Variants in SLF2 observed in about 807,000 individuals in gnomAD.
The protein encoded by SLF2 is SMC5/6 complex localization factor 2.
A neutral mutation model predicts 124.3 loss-of-function variants in SLF2; 68 were observed. The ratio of observed to expected loss-of-function variants is 0.55; its 90% CI spans 0.45 to 0.67. The LOEUF (loss-of-function observed/expected upper bound fraction) is 0.67. Ranked by LOEUF, SLF2 falls within the 30% of genes least tolerant of loss-of-function variation. The pLI, the probability that SLF2 is intolerant of heterozygous loss-of-function variation, is 0.00. For synonymous variants in SLF2, 480 were observed against 478.8 expected, an observed-to-expected ratio of 1.00 and a Z score of -0.03; for missense variants, 1,246 against 1,373.7, an observed-to-expected ratio of 0.91 and a Z score of 1.47.
rs766757379 is a variant in SLF2, at chr10:100,929,927, A to G, written c.2263A>G (p.Asn755Asp). 1 of 1,602,832 alleles carries G rather than the reference A, an allele frequency of 6.2e-7. No individual in the cohort carries two copies. The highest frequency in any genetic ancestry group is 1.7e-5 in the Admixed American group (1 of 57,462). ...FNFLNSGKIF[N>D]QYTLDLRDSG... ...TTTCCTCAATTCTGGAAAAATTTTCAATCAGTATACCTTGGATTTAAGAGA... is the reference window on the plus strand; with the variant it reads ...TTTCCTCAATTCTGGAAAAATTTTCGATCAGTATACCTTGGATTTAAGAGA... Residue 755 changes from asparagine to aspartate, a missense_variant, in exon 8 of 20, where the codon AAT (asparagine) becomes GAT (aspartate). Asn to Asp is a conservative substitution (Grantham distance 23). Transcript: ENST00000238961.
rs1266251562 is a variant in SLF2, at chr10:100,963,335, T to C, written c.*1423T>C. On this transcript the variant is annotated 3_prime_UTR_variant, in exon 20 of 20. Coordinates refer to ENST00000238961, the MANE Select transcript of SLF2 (RefSeq NM_018121.4). Reference sequence around the variant, plus strand: ...CTTTTGAGCTCATGTCAATCAAGCATTGGCAGTCAGAGATTTTATAGGGAA... The same window carrying C: ...CTTTTGAGCTCATGTCAATCAAGCACTGGCAGTCAGAGATTTTATAGGGAA... 6.6e-6 allele frequency: 1 copy of C among 152,632 alleles called. No individual in the cohort carries two copies. The highest frequency in any genetic ancestry group is 1.5e-5 in the Non-Finnish European group (1 of 68,044). The allele number at this position is 152,632 out of a possible 1,614,324, so 9.5% of individuals were successfully genotyped here.
chr10:100,919,616 A>G (rs1478376132), intron 4 of SLF2, among the ~76,000 whole-genome samples: 1 of 152,264 alleles, frequency 6.6e-6, no homozygotes, highest in African/African-American at 2.4e-5. Context: ...AGTTTGCAAC[A>G]AGAAATGAAA....
intron 17 of SLF2, among the ~76,000 whole-genome samples, chr10:100,951,157 C>T (rs908735219): frequency 2.0e-5 from 3 of 152,126 alleles, no homozygotes; most frequent in Admixed American, 2.0e-4. Context: ...GCAGGAGAAT[C>T]GCTTGAACCC....
chr10:100,932,716 T>C (rs200657112), intron 9 of SLF2, among the ~76,000 whole-genome samples: 439 of 37,170 alleles, frequency 0.012, 3 homozygotes, highest in African/African-American at 0.037. Context: ...TGTGTGTGTG[T>C]GTGTGCGCGC....
intron 3 of SLF2, among the ~76,000 whole-genome samples, chr10:100,917,862 T>A (rs1217245356): frequency 6.6e-6 from 1 of 152,160 alleles, no homozygotes; most frequent in African/African-American, 2.4e-5. Flanking sequence ...GAAGGATTGC[T>A]TGAGCTCAGG....
intron 17 of SLF2, among the ~76,000 whole-genome samples, chr10:100,953,853 T>C (rs1303457601): frequency 6.6e-6 from 1 of 151,990 alleles, no homozygotes; most frequent in Non-Finnish European, 1.5e-5. Flanking sequence ...GGTTTCATCA[T>C]GTTGGCCAGG....
chr10:100,919,001 C>CT (rs528512219), intron 4 of SLF2, among the ~76,000 whole-genome samples: 5,439 of 105,232 alleles, frequency 0.052, 1,066 homozygotes, highest in African/African-American at 0.06. Flanking sequence ...GAAACATAAT[C>CT]TTTTTTTTTT....
chr10:100,946,819 G>A (rs1367080705), intron 13 of SLF2, among the ~76,000 whole-genome samples: 3 of 152,198 alleles, frequency 2.0e-5, no homozygotes, highest in Admixed American at 2.0e-4. Flanking sequence ...GTGAAATTCT[G>A]CTAAATGTAT....
chr10:100,943,316 A>G (rs779153517), intron 11 of SLF2, among the ~76,000 whole-genome samples: 6 of 152,236 alleles, frequency 3.9e-5, no homozygotes, highest in Non-Finnish European at 7.3e-5. Context: ...GTTTGTTTAT[A>G]CATAAAATGC....
intron 2 of SLF2, 25 bp from the exon 3 acceptor site, chr10:100,916,545 G>C: frequency 7.6e-7 from 1 of 1,314,076 alleles, no homozygotes; most frequent in East Asian, 2.8e-5. Context: ...CATGCAATTT[G>C]TATGTGTTTT....
chr10:100,937,562 A>G (rs1849888897), intron 10 of SLF2, 85 bp downstream of exon 10: 3 of 863,842 alleles, frequency 3.5e-6, no homozygotes, highest in South Asian at 1.4e-5. Flanking sequence ...AAATGTTAGT[A>G]TATTTGGAAA....
chr10:100,944,546 C>A (rs1387859965), intron 12 of SLF2, among the ~76,000 whole-genome samples: 1 of 150,074 alleles, frequency 6.7e-6, no homozygotes, highest in Non-Finnish European at 1.5e-5. Context: ...GATTTCCAGT[C>A]TCTGAAATTT....
intron 6 of SLF2, chr10:100,926,502 GCTGAGGTTGGGAGGATCAC>G: frequency 2.7e-6 from 1 of 374,092 alleles, no homozygotes; most frequent in Non-Finnish European, 4.7e-6. Context: ...TACTCAACAG[GCTGAGGTTGGGAGGATCAC>G]CTGAGCCCAA....
intron 17 of SLF2, among the ~76,000 whole-genome samples, 157 bp from the exon 18 acceptor site, chr10:100,956,294 C>T (rs957952109): frequency 1.3e-5 from 2 of 152,142 alleles, no homozygotes; most frequent in Non-Finnish European, 1.5e-5. Context: ...AAGCAGCTTT[C>T]ACTGATACAA....
intron 12 of SLF2, among the ~76,000 whole-genome samples, chr10:100,944,373 T>C (rs1216566476): frequency 6.6e-6 from 1 of 151,444 alleles, no homozygotes; most frequent in Admixed American, 6.6e-5. Flanking sequence ...CGGGTACCTG[T>C]AGTCCCAGCT....
Position 100,930,962 on chromosome 10 carries a change from C to G in SLF2, c.2334-14C>G. 2 of 1,605,552 alleles carry G rather than the reference C, an allele frequency of 1.2e-6. No homozygotes were observed. The highest frequency in any genetic ancestry group is 1.7e-6 in the Non-Finnish European group (2 of 1,172,882). The stretch of plus-strand genomic sequence containing the variant: ...GAAGTTAATAGCCATGTTGATTTTA[C>G]TTTATTTTTTCAGATCGGGAAAAAC... On this transcript the variant is annotated splice_polypyrimidine_tract_variant and intron_variant, in intron 8 of 19. Transcript: ENST00000238961.
chr10:100,952,806 G>C (rs1332180857), intron 17 of SLF2, among the ~76,000 whole-genome samples: 1 of 151,196 alleles, frequency 6.6e-6, no homozygotes, highest in Non-Finnish European at 1.5e-5. Context: ...GGGCGTGATG[G>C]TGGGCACCTG....
Position 100,950,086 on chromosome 10 carries a change from T to A in SLF2, c.3131T>A (p.Leu1044Gln). The change falls in exon 16 of 20, where the codon CTA (leucine) becomes CAA (glutamine). Residue 1044 changes from leucine (L) to glutamine (Q), a missense_variant. Physicochemically the swap from Leu to Gln is moderately radical, Grantham distance 113. Around this residue, in one of 3 missense-constraint regions of SLF2, gnomAD observed 535 missense variants for 632.8 expected, o/e 0.85. Coordinates refer to ENST00000238961, the MANE Select transcript of SLF2 (RefSeq NM_018121.4). The part of the protein sequence containing the change: ...PNASNLQVSV[L>Q]HRYLVQMKPS... ...TCTTTCTTTTGATAGGTATCAGTCC[T>A]ACATCGCTATCTTGTGCAGATGAAG... is the stretch of plus-strand genomic sequence containing the variant. The A allele has an allele frequency of 6.2e-7, 1 of 1,611,190 alleles. No individual in the cohort carries two copies. Among genetic ancestry groups the A allele is most frequent in the Non-Finnish European group, 8.5e-7 (1 of 1,178,684 alleles).
At chr10:100,913,496 C>T (rs1849360873) in intron 1 of SLF2, 1 of 1,258,426 alleles carries the variant, frequency 7.9e-7, no homozygotes, top group Non-Finnish European at 1.0e-6. Flanking sequence ...GGAGAACCCG[C>T]CTTAGGTAGA....
Sources: allele counts gnomAD v4.1 joint callset (sites outside exome capture counted in the v4.1 genomes callset), GRCh38; gene constraint gnomAD v4.1.1; regional missense constraint gnomAD v4.1.1; transcripts MANE v1.5; gene names NCBI Gene and HGNC (gene_info 2026-07-23, HGNC 2026-07-21).